Variants in PPP1R14C observed in about 807,000 individuals in gnomAD.
PPP1R14C encodes the protein protein phosphatase 1 regulatory subunit 14C.
Under a neutral mutation model 20.4 loss-of-function variants are expected in PPP1R14C, and 16 were observed. That is an observed-to-expected ratio of 0.78 (90% CI 0.53 to 1.19). The LOEUF (loss-of-function observed/expected upper bound fraction) is 1.19. PPP1R14C is among the 50% of genes most tolerant of loss of function. PPP1R14C has a pLI of 0.00. For synonymous variants in PPP1R14C, 91 were observed against 91.0 expected (o/e 1.00, Z 0.00); for missense variants, 211 against 220.1 (o/e 0.96, Z 0.26).
At chr6:150,244,781 T>C (rs1778472694) in intron 3 of PPP1R14C, among the ~76,000 whole-genome samples, 1 of 152,252 alleles carries the variant, frequency 6.6e-6, no homozygotes, top group African/African-American at 2.4e-5. Flanking sequence ...GGAACACATT[T>C]GCTGGTCTTG....
intron 1 of PPP1R14C, among the ~76,000 whole-genome samples, chr6:150,174,417 C>T (rs568517629): frequency 4.9e-4 from 75 of 151,622 alleles, no homozygotes; most frequent in East Asian, 2.0e-3. Context: ...GGGGTTTCAC[C>T]GTGTTAGCCA....
At chr6:150,152,712 GT>G (rs1777263594) in intron 1 of PPP1R14C, among the ~76,000 whole-genome samples, 1 of 152,226 alleles carries the variant, frequency 6.6e-6, no homozygotes, top group Non-Finnish European at 1.5e-5. Flanking sequence ...CCTTTCCAGG[GT>G]CCCTCTTTCT....
intron 1 of PPP1R14C, among the ~76,000 whole-genome samples, chr6:150,161,780 C>A (rs994855921): frequency 1.3e-5 from 2 of 152,228 alleles, no homozygotes; most frequent in Non-Finnish European, 1.5e-5. Context: ...TTTCCCCTAT[C>A]CCCTTCAGTG....
chr6:150,246,888 A>G (rs186225043), intron 3 of PPP1R14C, among the ~76,000 whole-genome samples: 86 of 152,302 alleles, frequency 5.6e-4, no homozygotes, highest in Non-Finnish European at 1.0e-3. Context: ...GGTGAAGAAA[A>G]AGGATATATT....
rs1216865765 is a variant in PPP1R14C at position 150,187,278 on chromosome 6, T to G, written c.307-27466T>G. Among the ~76,000 whole-genome samples, 3 of 151,736 alleles carry G rather than the reference T, an allele frequency of 2.0e-5. No individual in the cohort carries two copies. The East Asian group carries it at 5.8e-4, about 29-fold the overall frequency. On this transcript the variant is annotated intron_variant, in intron 1 of 3. Coordinates refer to ENST00000361131, the MANE Select transcript of PPP1R14C (RefSeq NM_030949.3). ...GTGTGTGTGTGTGTGTGTGTGTGTG[T>G]GTGTGTGTGTGTGTTTGCATGCTTT... is the stretch of plus-strand genomic sequence containing the variant.
At chr6:150,166,287 A>G (rs60669818) in intron 1 of PPP1R14C, among the ~76,000 whole-genome samples, 4,272 of 152,058 alleles carry the variant, frequency 0.028, 196 homozygotes, top group African/African-American at 0.098. Flanking sequence ...TCACCATGTT[A>G]GCCAGGATGG....
At chr6:150,172,753 T>C (rs1886357) in intron 1 of PPP1R14C, among the ~76,000 whole-genome samples, 111,225 of 151,948 alleles carry the variant, frequency 0.73, 40,995 homozygotes, top group African/African-American at 0.79. Context: ...CTGTAACTGA[T>C]GTGGGGAGAC....
At chr6:150,192,859 A>G (rs1190903457) in intron 1 of PPP1R14C, among the ~76,000 whole-genome samples, 1 of 152,054 alleles carries the variant, frequency 6.6e-6, no homozygotes, top group Non-Finnish European at 1.5e-5. Flanking sequence ...GTTTCCACAC[A>G]GTGTCTCATC....
chr6:150,176,087 C>T (rs1777559296), intron 1 of PPP1R14C, among the ~76,000 whole-genome samples: 1 of 152,294 alleles, frequency 6.6e-6, no homozygotes, highest in Middle Eastern at 3.4e-3. Context: ...GGGGTTATCC[C>T]TTGATTAATT....
intron 1 of PPP1R14C, among the ~76,000 whole-genome samples, chr6:150,213,569 T>C: frequency 6.6e-6 from 1 of 152,222 alleles, no homozygotes; most frequent in East Asian, 1.9e-4. Flanking sequence ...TGCAGATGCT[T>C]CTCAGCCATC....
At chr6:150,241,416 T>C (rs1778429628) in intron 3 of PPP1R14C, among the ~76,000 whole-genome samples, 1 of 152,212 alleles carries the variant, frequency 6.6e-6, no homozygotes, top group Non-Finnish European at 1.5e-5. Context: ...TGGGAGTTGC[T>C]CTAGCAAATT....
intron 3 of PPP1R14C, among the ~76,000 whole-genome samples, chr6:150,226,307 C>T (rs983214039): frequency 1.3e-5 from 2 of 152,182 alleles, no homozygotes; most frequent in African/African-American, 2.4e-5. Flanking sequence ...ATCTGACTTA[C>T]AGGTAGCAAA....
intron 1 of PPP1R14C, among the ~76,000 whole-genome samples, chr6:150,145,967 T>A (rs1777176248): frequency 6.6e-6 from 1 of 152,192 alleles, no homozygotes; most frequent in Admixed American, 6.5e-5. Flanking sequence ...TGTAAAGTGA[T>A]GTATTTAGAA....
rs76142308 is a variant in PPP1R14C, at chr6:150,196,115, C to A, written c.307-18629C>A. The A allele has an allele frequency of 2.6e-3, 2,529 of 985,294 alleles. 48 individuals carry two copies. The African/African-American group carries it at 0.04, about 16-fold the overall frequency. 61.0% of individuals were successfully genotyped at this position (985,294 alleles called of 1,614,324 possible). On this transcript the variant is annotated intron_variant, in intron 1 of 3. Coordinates refer to ENST00000361131, the MANE Select transcript of PPP1R14C (RefSeq NM_030949.3). ...TCTATAAATAGGAGCATCAATGGGG[C>A]CTTCCAAAGGAAGTCATTGCAATAC...
rs368881826 is a variant in PPP1R14C, at chr6:150,199,699, A to G, written c.307-15045A>G. 1.6e-4 allele frequency among the ~76,000 whole-genome samples: 25 copies of G among 152,182 alleles called. No individual in the cohort carries two copies. In the South Asian group the frequency reaches 4.8e-3, roughly 29 times the overall value. On this transcript the variant is annotated intron_variant, in intron 1 of 3. Transcript: ENST00000361131. ...AATCTGGGCAATATAGTGAGATGCCATCTCTGCAAAATTTTTAACATTAGC... is the reference window on the plus strand; with the variant it reads ...AATCTGGGCAATATAGTGAGATGCCGTCTCTGCAAAATTTTTAACATTAGC...
chr6:150,163,889 A>G (rs908837691), intron 1 of PPP1R14C, among the ~76,000 whole-genome samples: 2 of 152,174 alleles, frequency 1.3e-5, no homozygotes, highest in African/African-American at 4.8e-5. Context: ...GTTGGCTTAT[A>G]TACAGAGTGG....
intron 3 of PPP1R14C, among the ~76,000 whole-genome samples, chr6:150,246,276 T>C (rs1036136518): frequency 9.9e-5 from 15 of 152,130 alleles, no homozygotes; most frequent in African/African-American, 3.6e-4. Flanking sequence ...AAATAAATTA[T>C]AGGGTTTGTG....
chr6:150,225,069 A>T (rs182938728), intron 3 of PPP1R14C, among the ~76,000 whole-genome samples: 93 of 152,144 alleles, frequency 6.1e-4, no homozygotes, highest in African/African-American at 2.2e-3. Flanking sequence ...CAGGTCACTC[A>T]GGCTCTACTA....
chr6:150,175,388 T>C lies in PPP1R14C; in HGVS notation c.306+31890T>C, dbSNP rs562734619. ...CACATGGACCCAGTGCTTCCCTCTTTTTCTGTGTAAAATCACAGTGGTCAT... is the reference window on the plus strand; with the variant it reads ...CACATGGACCCAGTGCTTCCCTCTTCTTCTGTGTAAAATCACAGTGGTCAT... On this transcript the variant is annotated intron_variant, in intron 1 of 3. Coordinates refer to ENST00000361131, the MANE Select transcript of PPP1R14C (RefSeq NM_030949.3). Among the ~76,000 whole-genome samples the C allele has an allele frequency of 2.0e-5, 3 of 152,304 alleles. 1 individual carries two copies. In the South Asian group the frequency reaches 6.2e-4, roughly 32 times the overall value.
Sources: allele counts gnomAD v4.1 joint callset (sites outside exome capture counted in the v4.1 genomes callset), GRCh38; gene constraint gnomAD v4.1.1; transcripts MANE v1.5; gene names NCBI Gene and HGNC (gene_info 2026-07-23, HGNC 2026-07-21).